Variants in GPC5 observed in about 807,000 individuals in gnomAD.
The protein encoded by GPC5 is glypican 5.
Under a neutral mutation model 53.9 loss-of-function variants are expected in GPC5, and 47 were observed. That is an observed-to-expected ratio of 0.87 (90% CI 0.69 to 1.11). The LOEUF is 1.11. GPC5 is among the 50% of genes most tolerant of loss of function. The probability of loss-of-function intolerance (pLI) is 0.00; values close to 1 mark genes in which losing one functional copy is unlikely to be tolerated. For synonymous variants in GPC5, 286 were observed against 263.3 expected, an observed-to-expected ratio of 1.09 and a Z score of -0.84; for missense variants, 748 against 713.1, an observed-to-expected ratio of 1.05 and a Z score of -0.56.
intron 6 of GPC5, among the ~76,000 whole-genome samples, chr13:92,044,272 A>T (rs2040964288): frequency 6.6e-6 from 1 of 152,202 alleles, no homozygotes; most frequent in African/African-American, 2.4e-5. Context: ...ATAAGAATAC[A>T]TCTTTTTTTA....
At chr13:92,219,298 T>C (rs1002855485) in intron 7 of GPC5, among the ~76,000 whole-genome samples, 18 of 152,162 alleles carry the variant, frequency 1.2e-4, no homozygotes, top group African/African-American at 4.1e-4. Context: ...TAAAATACCA[T>C]TATATCTGGA....
At chr13:92,757,104 A>G (rs1463642859) in intron 7 of GPC5, among the ~76,000 whole-genome samples, 1 of 151,942 alleles carries the variant, frequency 6.6e-6, no homozygotes, top group African/African-American at 2.4e-5. Flanking sequence ...ACAGTAACCA[A>G]AACAGCATGG....
chr13:92,519,770 A>C (rs577444895), intron 7 of GPC5, among the ~76,000 whole-genome samples: 1 of 152,184 alleles, frequency 6.6e-6, no homozygotes, highest in African/African-American at 2.4e-5. Context: ...GCAAGAAATA[A>C]CTAAGATCAG....
At chr13:92,676,685 C>G (rs560331428) in intron 7 of GPC5, among the ~76,000 whole-genome samples, 9 of 152,164 alleles carry the variant, frequency 5.9e-5, no homozygotes, top group African/African-American at 2.2e-4. Context: ...TTGAGCCTAC[C>G]CCACGACTAT....
chr13:92,675,241 G>A (rs186037664), intron 7 of GPC5, among the ~76,000 whole-genome samples: 1 of 152,180 alleles, frequency 6.6e-6, no homozygotes, highest in East Asian at 1.9e-4. Context: ...CACCAAAGTT[G>A]TATATTTAAA....
At position 91,613,763 on chromosome 13, in the gene GPC5, C is replaced by A. The variant is rs146060460; in HGVS notation, c.326-79424C>A. 1.4e-4 allele frequency among the ~76,000 whole-genome samples: 21 copies of A among 152,004 alleles called. No individual in the cohort carries two copies. The East Asian group carries it at 3.9e-3, about 28-fold the overall frequency. ...TGTAGGTTTTGGATTTAAGGAATTG[C>A]GATAGATGGAATTGGAAAAATTTGA... is the stretch of plus-strand genomic sequence containing the variant. On this transcript the variant is annotated intron_variant, in intron 2 of 7. Coordinates refer to ENST00000377067, the MANE Select transcript of GPC5 (RefSeq NM_004466.6).
chr13:92,680,691 T>C (rs1207224736), intron 7 of GPC5, among the ~76,000 whole-genome samples: 8 of 152,114 alleles, frequency 5.3e-5, no homozygotes, highest in Non-Finnish European at 1.2e-4. Flanking sequence ...ATAAACAACA[T>C]GACCAATGAA....
intron 2 of GPC5, among the ~76,000 whole-genome samples, chr13:91,508,944 C>T (rs964920847): frequency 1.3e-5 from 2 of 152,112 alleles, no homozygotes; most frequent in Non-Finnish European, 2.9e-5. Flanking sequence ...TTAGCCCTGG[C>T]CTGACCTCAA....
At chr13:92,639,574 A>G (rs993448316) in intron 7 of GPC5, among the ~76,000 whole-genome samples, 1 of 152,186 alleles carries the variant, frequency 6.6e-6, no homozygotes, top group Non-Finnish European at 1.5e-5. Flanking sequence ...TATCACAGTG[A>G]TCTGTGGTCA....
At chr13:92,112,070 A>T (rs1209463592) in intron 6 of GPC5, among the ~76,000 whole-genome samples, 3 of 152,196 alleles carry the variant, frequency 2.0e-5, no homozygotes, top group Admixed American at 6.5e-5. Context: ...TTTGAATAAG[A>T]GGTTTCTAAG....
chr13:92,416,634 GAATA>G (rs1876309099), intron 7 of GPC5, among the ~76,000 whole-genome samples: 1 of 152,030 alleles, frequency 6.6e-6, no homozygotes. Context: ...AAAAATGTAG[GAATA>G]AATCTTTGTA....
intron 7 of GPC5, among the ~76,000 whole-genome samples, chr13:92,628,264 C>CTTTTTTGTTTTT (rs1885115852): frequency 2.2e-5 from 1 of 45,338 alleles, no homozygotes; most frequent in Non-Finnish European, 4.3e-5. Flanking sequence ...CTTTTTCTTT[C>CTTTTTTGTTTTT]TTTTTTTTTT....
chr13:91,481,205 A>T (rs1445045659), intron 2 of GPC5, among the ~76,000 whole-genome samples: 1 of 152,172 alleles, frequency 6.6e-6, no homozygotes, highest in Non-Finnish European at 1.5e-5. Flanking sequence ...GGACATCGTT[A>T]TTTTAAAGCT....
At chr13:92,202,520 C>T (rs1379713836) in intron 7 of GPC5, among the ~76,000 whole-genome samples, 4 of 152,094 alleles carry the variant, frequency 2.6e-5, no homozygotes, top group Non-Finnish European at 4.4e-5. Context: ...TTAGACCAAA[C>T]GTTGTAACTA....
At position 92,144,928 on chromosome 13, in the gene GPC5, TGAA is replaced by T; in HGVS notation, c.1503_1505del (p.Glu501del). 1 of 1,595,148 alleles carries T rather than the reference TGAA, an allele frequency of 6.3e-7. No individual in the cohort carries two copies. Among genetic ancestry groups the T allele is most frequent in the South Asian group, 1.1e-5 (1 of 88,190 alleles). On this transcript the variant is annotated inframe_deletion, in exon 7 of 8. Transcript: ENST00000377067. ...AACAAGTCAGTGGGGACTGTGATGA[TGAA>T]GATGGTTGCGGGGGATCAGGAAGTG... is the stretch of plus-strand genomic sequence containing the variant.
intron 7 of GPC5, among the ~76,000 whole-genome samples, chr13:92,790,445 T>C (rs145447784): frequency 6.6e-6 from 1 of 152,074 alleles, no homozygotes; most frequent in Non-Finnish European, 1.5e-5. Context: ...TTTCAAGAGA[T>C]TGTAGATTAA....
intron 7 of GPC5, among the ~76,000 whole-genome samples, chr13:92,809,499 C>CA (rs1877216577): frequency 6.6e-6 from 1 of 152,166 alleles, no homozygotes; most frequent in Non-Finnish European, 1.5e-5. Context: ...TAATAAGACT[C>CA]AGAGTCTGGA....
chr13:91,656,015 G>T (rs891117726), intron 2 of GPC5, among the ~76,000 whole-genome samples: 1 of 152,136 alleles, frequency 6.6e-6, no homozygotes, highest in African/African-American at 2.4e-5. Flanking sequence ...AGTGATCGTT[G>T]TGTCAGCTGA....
At chr13:91,516,494 G>A (rs1416309623) in intron 2 of GPC5, among the ~76,000 whole-genome samples, 1 of 152,200 alleles carries the variant, frequency 6.6e-6, no homozygotes, top group African/African-American at 2.4e-5. Context: ...CATGGTCTTG[G>A]ACAGCCCCAC....
Sources: allele counts gnomAD v4.1 joint callset (sites outside exome capture counted in the v4.1 genomes callset), GRCh38; gene constraint gnomAD v4.1.1; transcripts MANE v1.5; gene names NCBI Gene and HGNC (gene_info 2026-07-23, HGNC 2026-07-21).